STXBP5: variants seen among roughly 807,000 people sequenced by gnomAD.
The protein encoded by STXBP5 is syntaxin binding protein 5.
In STXBP5, 50 loss-of-function variants were observed where a neutral mutation model predicts 152.4. That is an observed-to-expected ratio of 0.33 (90% confidence interval 0.26 to 0.42). The LOEUF (loss-of-function observed/expected upper bound fraction) is 0.42, where lower values mean the gene tolerates loss of function less well. Ranked by LOEUF, STXBP5 falls within the 10% of genes least tolerant of loss-of-function variation. The pLI is 1.00. For synonymous variants in STXBP5, 492 were observed against 494.7 expected (o/e 0.99, Z 0.07); for missense variants, 1,167 against 1,388.6 (o/e 0.84, Z 2.54).
intron 9 of STXBP5, among the ~76,000 whole-genome samples, chr6:147,309,572 C>T (rs1057283341): frequency 2.0e-5 from 3 of 152,102 alleles, no homozygotes; most frequent in Non-Finnish European, 2.9e-5. Context: ...TTTGAGAATG[C>T]ATCAGCCAAG....
chr6:147,230,431 ATAT>A (rs1027843353), intron 2 of STXBP5, among the ~76,000 whole-genome samples: 12 of 151,880 alleles, frequency 7.9e-5, no homozygotes, highest in Non-Finnish European at 1.2e-4. Context: ...TGACTGTAGT[ATAT>A]TATTATTTAA....
chr6:147,243,252 G>A (rs74802621), intron 4 of STXBP5, among the ~76,000 whole-genome samples: 6,284 of 152,142 alleles, frequency 0.041, 331 homozygotes, highest in East Asian at 0.15. Flanking sequence ...CTAACATTTG[G>A]TATTGCCAGT....
At chr6:147,340,218 A>G in intron 21 of STXBP5, among the ~76,000 whole-genome samples, 1 of 152,040 alleles carries the variant, frequency 6.6e-6, no homozygotes, top group South Asian at 2.1e-4. Flanking sequence ...GGCAGATGGA[A>G]TAGTTTTACT....
At chr6:147,314,181 T>A in intron 12 of STXBP5, 83 bp from the exon 13 acceptor site, 1 of 1,081,256 alleles carries the variant, frequency 9.2e-7, no homozygotes, top group Non-Finnish European at 1.3e-6. Context: ...ACTGGATTAT[T>A]TACACACACA....
chr6:147,267,791 G>T (rs1012028446), intron 7 of STXBP5, among the ~76,000 whole-genome samples: 25 of 152,018 alleles, frequency 1.6e-4, no homozygotes, highest in African/African-American at 5.3e-4. Flanking sequence ...CTTCATAGAT[G>T]ATACTGATAC....
chr6:147,276,378 G>C (rs1780443923), intron 7 of STXBP5, among the ~76,000 whole-genome samples: 1 of 152,036 alleles, frequency 6.6e-6, no homozygotes, highest in African/African-American at 2.4e-5. Flanking sequence ...ACTGGTTCCA[G>C]TAATTAGGTA....
intron 25 of STXBP5, among the ~76,000 whole-genome samples, chr6:147,373,256 G>A (rs763350210): frequency 6.7e-6 from 1 of 148,240 alleles, no homozygotes; most frequent in African/African-American, 2.5e-5. Context: ...ATCCCAGCTA[G>A]TCAGTGGCTG....
At chr6:147,275,332 G>C (rs1780383342) in intron 7 of STXBP5, among the ~76,000 whole-genome samples, 1 of 151,822 alleles carries the variant, frequency 6.6e-6, no homozygotes, top group Admixed American at 6.6e-5. Context: ...ATGCACTGTT[G>C]CTTTGTGGAT....
intron 24 of STXBP5, 60 bp from the exon 25 acceptor site, chr6:147,363,941 T>C (rs780183310): frequency 6.5e-7 from 1 of 1,531,402 alleles, no homozygotes; most frequent in Non-Finnish European, 8.9e-7. Context: ...TTAACAATGA[T>C]AGTGTGTTCA....
In STXBP5 at chr6:147,323,049, A is replaced by G. The variant is rs1783016992; in HGVS notation, c.1803-1910A>G. 2.0e-5 allele frequency among the ~76,000 whole-genome samples: 3 copies of G among 151,540 alleles called. No individual in the cohort carries two copies. In the South Asian group the frequency reaches 6.3e-4, roughly 32 times the overall value. On this transcript the variant is annotated intron_variant, in intron 16 of 27. Coordinates refer to ENST00000321680, the MANE Select transcript of STXBP5 (RefSeq NM_001127715.4). ...CATGGTCTCCTAAAACTACCTCTTTATCCCTCCCTCCCTCCCTTCCTTCTG... is the reference window on the plus strand; with the variant it reads ...CATGGTCTCCTAAAACTACCTCTTTGTCCCTCCCTCCCTCCCTTCCTTCTG...
chr6:147,260,852 G>T lies in STXBP5; in HGVS notation c.566+103G>T. ...TAAATCTGTATGGAATTAAATATGTGACAGATGTTCTTAATATTAAGTACA... is the reference window on the plus strand; with the variant it reads ...TAAATCTGTATGGAATTAAATATGTTACAGATGTTCTTAATATTAAGTACA... On this transcript the variant is annotated intron_variant, in intron 5 of 27. Transcript: ENST00000321680. The T allele has an allele frequency of 3.7e-6, 5 of 1,348,450 alleles. No individual in the cohort carries two copies. In the East Asian group the frequency reaches 1.2e-4, roughly 32 times the overall value. The allele number at this position is 1,348,450 out of a possible 1,614,324, so 83.5% of individuals were successfully genotyped here.
At chr6:147,311,384 A>C in intron 10 of STXBP5, 71 bp from the exon 11 acceptor site, 1 of 1,271,640 alleles carries the variant, frequency 7.9e-7, no homozygotes, top group Admixed American at 1.8e-5. Context: ...AAAATCAAGC[A>C]AGAAACATTT....
chr6:147,383,121 G>A, intron 27 of STXBP5, 123 bp downstream of exon 27: 4 of 1,182,762 alleles, frequency 3.4e-6, no homozygotes, highest in Non-Finnish European at 3.5e-6. Flanking sequence ...TTGTACAATT[G>A]CAAGTTCCTG....
At chr6:147,302,713 G>T (rs1781883812) in intron 9 of STXBP5, among the ~76,000 whole-genome samples, 1 of 152,136 alleles carries the variant, frequency 6.6e-6, no homozygotes, top group African/African-American at 2.4e-5. Flanking sequence ...TACTCAGGAG[G>T]CTGAGGCAGG....
At chr6:147,263,631 T>G (rs954793702) in intron 6 of STXBP5, among the ~76,000 whole-genome samples, 1 of 152,094 alleles carries the variant, frequency 6.6e-6, no homozygotes, top group African/African-American at 2.4e-5. Context: ...CTGAATGTTG[T>G]GCTGAAGCAA....
chr6:147,277,198 T>C (rs1230520592), intron 7 of STXBP5, among the ~76,000 whole-genome samples: 1 of 152,096 alleles, frequency 6.6e-6, no homozygotes, highest in East Asian at 1.9e-4. Flanking sequence ...TTTATAAGTA[T>C]AGAAAGAACT....
At chr6:147,328,620 C>A in intron 18 of STXBP5, 1 of 411,274 alleles carries the variant, frequency 2.4e-6, no homozygotes, top group South Asian at 1.9e-5. Flanking sequence ...ATATCTTCAG[C>A]AGAGATTGTT....
intron 7 of STXBP5, among the ~76,000 whole-genome samples, chr6:147,276,077 T>G (rs1582878408): frequency 6.6e-6 from 1 of 152,176 alleles, no homozygotes; most frequent in African/African-American, 2.4e-5. Context: ...TTTCTCACTT[T>G]GTTTACGTAA....
chr6:147,254,735 A>G (rs574322633), intron 4 of STXBP5, among the ~76,000 whole-genome samples: 220 of 152,360 alleles, frequency 1.4e-3, no homozygotes, highest in Non-Finnish European at 2.3e-3. Flanking sequence ...ATCACTGGTC[A>G]TTAGAGAAAT....
Sources: gnomAD v4.1 joint callset for allele counts (sites outside exome capture counted in the v4.1 genomes callset) on GRCh38, gnomAD v4.1.1 for gene constraint, MANE v1.5 for transcripts, NCBI Gene and HGNC (gene_info 2026-07-23, HGNC 2026-07-21) for gene names.